Variants in SLC16A12 observed in about 807,000 individuals in gnomAD.
SLC16A12 encodes solute carrier family 16 member 12, also known as monocarboxylate transporter 12.
Under a neutral mutation model 42.4 loss-of-function variants are expected in SLC16A12, and 17 were observed. The ratio of observed to expected loss-of-function variants is 0.40; its 90% CI spans 0.27 to 0.60. SLC16A12 has a LOEUF of 0.60. Ranked by LOEUF, SLC16A12 falls within the 20% of genes least tolerant of loss-of-function variation. The probability of loss-of-function intolerance (pLI) is 0.42; values close to 1 mark genes in which losing one functional copy is unlikely to be tolerated. For synonymous variants in SLC16A12, 224 were observed against 229.4 expected, an observed-to-expected ratio of 0.98 and a Z score of 0.21; for missense variants, 544 against 623.0, an observed-to-expected ratio of 0.87 and a Z score of 1.35.
chr10:89,516,540 T>C (rs1250619073), intron 2 of SLC16A12, among the ~76,000 whole-genome samples: 3 of 152,224 alleles, frequency 2.0e-5, no homozygotes, highest in African/African-American at 7.2e-5. Flanking sequence ...TCCTACTAGA[T>C]TGCAAACTCC....
chr10:89,528,928 T>C (rs1843498316), intron 2 of SLC16A12, among the ~76,000 whole-genome samples: 1 of 152,242 alleles, frequency 6.6e-6, no homozygotes, highest in African/African-American at 2.4e-5. Context: ...TTATGGATAC[T>C]AGGTTGTCAG....
intron 2 of SLC16A12, among the ~76,000 whole-genome samples, chr10:89,482,989 C>T (rs1338644716): frequency 1.3e-5 from 2 of 152,176 alleles, no homozygotes; most frequent in Non-Finnish European, 2.9e-5. Flanking sequence ...ATACCAGACA[C>T]TGGATGGCTA....
intron 2 of SLC16A12, among the ~76,000 whole-genome samples, chr10:89,532,550 C>T (rs142880620): frequency 6.6e-6 from 1 of 152,152 alleles, no homozygotes; most frequent in African/African-American, 2.4e-5. Flanking sequence ...TTTATATACA[C>T]TGGAAAGGTA....
intron 2 of SLC16A12, among the ~76,000 whole-genome samples, chr10:89,481,269 T>G (rs1380438628): frequency 2.6e-5 from 4 of 152,210 alleles, no homozygotes; most frequent in Non-Finnish European, 4.4e-5. Flanking sequence ...TTTTCTGAAT[T>G]TCCTGGAATA....
At chr10:89,478,500 C>G (rs1178996702) in intron 2 of SLC16A12, among the ~76,000 whole-genome samples, 3 of 152,354 alleles carry the variant, frequency 2.0e-5, no homozygotes, top group South Asian at 2.1e-4. Flanking sequence ...AAGGTGAAGT[C>G]AAGTCCTGAG....
intron 2 of SLC16A12, among the ~76,000 whole-genome samples, chr10:89,545,342 C>T (rs1409281089): frequency 6.6e-6 from 1 of 152,164 alleles, no homozygotes; most frequent in Non-Finnish European, 1.5e-5. Flanking sequence ...CAACAAACTC[C>T]TTAAACTGAT....
chr10:89,545,734 A>G (rs1843738962), intron 2 of SLC16A12, among the ~76,000 whole-genome samples: 1 of 152,276 alleles, frequency 6.6e-6, no homozygotes, highest in Non-Finnish European at 1.5e-5. Flanking sequence ...ATGGAATCAA[A>G]GAAAACCTCA....
intron 2 of SLC16A12, among the ~76,000 whole-genome samples, chr10:89,511,336 C>T (rs1365966420): frequency 6.6e-6 from 1 of 152,136 alleles, no homozygotes; most frequent in Admixed American, 6.5e-5. Context: ...AACCCAAATG[C>T]CCATCAATGA....
intron 2 of SLC16A12, among the ~76,000 whole-genome samples, chr10:89,497,266 CAT>C (rs1268765432): frequency 6.6e-6 from 1 of 152,196 alleles, no homozygotes; most frequent in African/African-American, 2.4e-5. Context: ...CATATACACA[CAT>C]GAGATATCAC....
At chr10:89,487,962 G>GTATATATA (rs1842785024) in intron 2 of SLC16A12, among the ~76,000 whole-genome samples, 1 of 62,806 alleles carries the variant, frequency 1.6e-5, no homozygotes, top group African/African-American at 6.7e-5. Flanking sequence ...TGTGGTGTGT[G>GTATATATA]TGTATATATA....
chr10:89,448,573 C>T (rs1842041020), intron 3 of SLC16A12, among the ~76,000 whole-genome samples: 1 of 152,186 alleles, frequency 6.6e-6, no homozygotes, highest in Non-Finnish European at 1.5e-5. Flanking sequence ...ATGCTAAAAA[C>T]TCTCAATAAA....
intron 2 of SLC16A12, among the ~76,000 whole-genome samples, chr10:89,504,690 A>T (rs1427156120): frequency 1.3e-5 from 2 of 152,244 alleles, no homozygotes; most frequent in Non-Finnish European, 2.9e-5. Context: ...ATGACCAGCC[A>T]AAACCTTGGT....
At chr10:89,447,236 T>C (rs1842018979) in intron 3 of SLC16A12, among the ~76,000 whole-genome samples, 1 of 152,188 alleles carries the variant, frequency 6.6e-6, no homozygotes, top group South Asian at 2.1e-4. Flanking sequence ...GGACTTGAAT[T>C]CAGCTCTGCA....
intron 1 of SLC16A12, among the ~76,000 whole-genome samples, chr10:89,556,222 C>A (rs1843815025): frequency 6.6e-6 from 1 of 152,100 alleles, no homozygotes; most frequent in Admixed American, 6.6e-5. Flanking sequence ...TGGGTGGGTA[C>A]TCCATTGATA....
At chr10:89,513,260 G>A (rs1274814389) in intron 2 of SLC16A12, among the ~76,000 whole-genome samples, 1 of 152,094 alleles carries the variant, frequency 6.6e-6, no homozygotes, top group Non-Finnish European at 1.5e-5. Context: ...GTTAATAAAT[G>A]TACTCTGTCT....
chr10:89,439,794 G>C (rs77024504), intron 5 of SLC16A12, among the ~76,000 whole-genome samples: 1,607 of 152,212 alleles, frequency 0.011, 31 homozygotes, highest in African/African-American at 0.037. Flanking sequence ...CTTTTGGGCT[G>C]GGTGCAGTGG....
intron 2 of SLC16A12, among the ~76,000 whole-genome samples, chr10:89,517,336 A>G (rs1469781164): frequency 6.6e-6 from 1 of 151,960 alleles, no homozygotes; most frequent in African/African-American, 2.4e-5. Flanking sequence ...TTTTTAAGAG[A>G]CAGGGTCTCA....
At chr10:89,524,423 A>T (rs949145170) in intron 2 of SLC16A12, among the ~76,000 whole-genome samples, 1 of 151,970 alleles carries the variant, frequency 6.6e-6, no homozygotes, top group South Asian at 2.1e-4. Context: ...CATATTCCCT[A>T]CCTGTCAGCC....
At chr10:89,534,892 T>G (rs1843626729) in intron 1 of SLC16A12, among the ~76,000 whole-genome samples, 1 of 152,002 alleles carries the variant, frequency 6.6e-6, no homozygotes, top group Non-Finnish European at 1.5e-5. Context: ...ACTAACCAAA[T>G]AGCCCCAGGA....
Sources: allele counts gnomAD v4.1 joint callset (sites outside exome capture counted in the v4.1 genomes callset), GRCh38; gene constraint gnomAD v4.1.1; transcripts MANE v1.5; gene names NCBI Gene and HGNC (gene_info 2026-07-23, HGNC 2026-07-21).